Variants in STK17A observed in about 807,000 individuals in gnomAD.
STK17A encodes serine/threonine kinase 17a.
A neutral mutation model predicts 43.7 loss-of-function variants in STK17A; 26 were observed. That is an observed-to-expected ratio of 0.60 (90% CI 0.44 to 0.83). STK17A has a LOEUF of 0.83. Among genes scored for constraint, STK17A ranks in the 40% least tolerant of loss-of-function variants. STK17A has a pLI of 0.00. For synonymous variants in STK17A, 191 were observed against 182.5 expected (o/e 1.05, Z -0.38); for missense variants, 476 against 511.6 (o/e 0.93, Z 0.67).
intron 1 of STK17A, among the ~76,000 whole-genome samples, chr7:43,593,698 A>G (rs201993883): frequency 5.7e-4 from 62 of 109,488 alleles, no homozygotes; most frequent in African/African-American, 2.0e-3. Context: ...TGTTCATATA[A>G]AAAAAAAAAA....
chr7:43,624,863 T>G lies in STK17A; in HGVS notation c.*21T>G, dbSNP rs1195748464. ...ACTGAGCAATATTTCCCTTTAGAAC[T>G]TCAAGATTTCTACATTGAAAATGTT... On this transcript the variant is annotated 3_prime_UTR_variant, in exon 7 of 7. Coordinates refer to ENST00000319357, the MANE Select transcript of STK17A (RefSeq NM_004760.3). 3 of 1,556,172 alleles carry G rather than the reference T, an allele frequency of 1.9e-6. No homozygotes were observed. Among genetic ancestry groups the G allele is most frequent in the South Asian group, 2.5e-5 (2 of 81,588 alleles).
intron 1 of STK17A, among the ~76,000 whole-genome samples, chr7:43,594,952 C>A (rs1330627758): frequency 1.3e-5 from 2 of 151,420 alleles, no homozygotes; most frequent in Non-Finnish European, 2.9e-5. Context: ...CCTAAGGTTA[C>A]TGTCAAGTGC....
chr7:43,615,133 A>AT (rs2083226112), intron 3 of STK17A, among the ~76,000 whole-genome samples: 2 of 152,178 alleles, frequency 1.3e-5, no homozygotes, highest in Non-Finnish European at 2.9e-5. Context: ...ATTTGCCTGA[A>AT]TAATAAGACA....
In STK17A at chr7:43,586,960, A is replaced by G. The variant is rs1305162395; in HGVS notation, c.206+3511A>G. ...ATTCTCACCACAAGCCTGTTTGGAA[A>G]GCCCCATTTTTCAGATGAGAAAACA... is the stretch of plus-strand genomic sequence containing the variant. On this transcript the variant is annotated intron_variant, in intron 1 of 6. Coordinates refer to ENST00000319357, the MANE Select transcript of STK17A (RefSeq NM_004760.3). Among the ~76,000 whole-genome samples the G allele has an allele frequency of 2.6e-5, 4 of 151,188 alleles. 1 individual carries two copies. Among genetic ancestry groups the G allele is most frequent in the African/African-American group, 4.8e-5 (2 of 41,314 alleles).
chr7:43,592,257 T>C lies in STK17A; in HGVS notation c.207-3644T>C, dbSNP rs887628048. Among the ~76,000 whole-genome samples, 5 of 151,576 alleles carry C rather than the reference T, an allele frequency of 3.3e-5. No homozygotes were observed. The South Asian group carries it at 8.3e-4, about 25-fold the overall frequency. ...ATTTTGTGGGATAAAATGAAAGGTA[T>C]TAATTACTCTTTGAGGAATTCATTT... On this transcript the variant is annotated intron_variant, in intron 1 of 6. Coordinates refer to ENST00000319357, the MANE Select transcript of STK17A (RefSeq NM_004760.3).
At position 43,587,147 on chromosome 7, in the gene STK17A, GT is replaced by G. The variant is rs202031785; in HGVS notation, c.206+3704del. On this transcript the variant is annotated intron_variant, in intron 1 of 6. Coordinates refer to ENST00000319357, the MANE Select transcript of STK17A (RefSeq NM_004760.3). ...TTTAATGAAATGATATGTTTTTATT[GT>G]TTTTTGTTTTTTTTTTTTTTTTTTG... Among the ~76,000 whole-genome samples, 757 of 113,464 alleles carry G rather than the reference GT, an allele frequency of 6.7e-3. 53 individuals carry two copies. In the East Asian group the frequency reaches 0.16, roughly 23 times the overall value. The allele number at this position is 113,464 out of a possible 152,430, so 74.4% of individuals were successfully genotyped here.
chr7:43,583,207 T>C lies in STK17A; in HGVS notation c.-37T>C, dbSNP rs10251937. 594,605 of 1,546,758 alleles carry C rather than the reference T, an allele frequency of 0.38. 116,078 individuals are homozygous for C. Among genetic ancestry groups the C allele is most frequent in the Admixed American group, 0.5 (26,031 of 52,428 alleles). Reference sequence around the variant, plus strand: ...TCCGTGACCCTCCGGCTGCTCGGAGTGAACAGGCGGCCAGGAAAGAAGCGG... The same window carrying C: ...TCCGTGACCCTCCGGCTGCTCGGAGCGAACAGGCGGCCAGGAAAGAAGCGG... On this transcript the variant is annotated 5_prime_UTR_variant, in exon 1 of 7. Transcript: ENST00000319357.
Position 43,583,436 on chromosome 7 carries a change from C to G in STK17A, c.193C>G (p.Arg65Gly), listed in dbSNP as rs759357000. Residue 65 changes from arginine to glycine, a missense_variant, in exon 1 of 7, where the codon CGG (arginine) becomes GGG (glycine). Physicochemically the swap from Arg to Gly is moderately radical, Grantham distance 125 (BLOSUM62 -2). Coordinates refer to ENST00000319357, the MANE Select transcript of STK17A (RefSeq NM_004760.3). ...FQDGYSLCPGRELGRGKFAVV... is the reference protein window; with the variant it reads ...FQDGYSLCPGGELGRGKFAVV... ...GGACGGCTACAGCCTGTGCCCGGGC[C>G]GGGAGCTGGGCAGGTGAGGACGGGC... 2.2e-6 allele frequency: 3 copies of G among 1,364,948 alleles called. No homozygotes were observed. Among genetic ancestry groups the G allele is most frequent in the Non-Finnish European group, 2.8e-6 (3 of 1,060,288 alleles). The allele number at this position is 1,364,948 out of a possible 1,614,324, so 84.6% of individuals were successfully genotyped here. A position where few individuals can be genotyped will look rare whatever the true frequency, so the allele number is the denominator to read the frequency against.
chr7:43,597,042 A>G (rs996858124), intron 2 of STK17A, among the ~76,000 whole-genome samples: 3 of 152,142 alleles, frequency 2.0e-5, no homozygotes, highest in African/African-American at 7.2e-5. Context: ...GACTTAATAC[A>G]TCAATAAATC....
chr7:43,621,463 T>G (rs1243203019), intron 4 of STK17A, among the ~76,000 whole-genome samples: 1 of 152,074 alleles, frequency 6.6e-6, no homozygotes, highest in African/African-American at 2.4e-5. Context: ...GAGGTGGGTT[T>G]TTGTTTTGTT....
chr7:43,604,625 A>G lies in STK17A; in HGVS notation c.420-3631A>G, dbSNP rs371264960. On this transcript the variant is annotated intron_variant, in intron 2 of 6. Transcript: ENST00000319357. Reference sequence around the variant, plus strand: ...CTTTTTAAAGATTTTCCTCTTTCTCACTGGTTTTTAGCAATTTGAGTATAG... The same window carrying G: ...CTTTTTAAAGATTTTCCTCTTTCTCGCTGGTTTTTAGCAATTTGAGTATAG... Among the ~76,000 whole-genome samples, 19 of 151,986 alleles carry G rather than the reference A, an allele frequency of 1.3e-4. No homozygotes were observed. The East Asian group carries it at 3.1e-3, about 25-fold the overall frequency.
chr7:43,586,946 A>G (rs2082444199), intron 1 of STK17A, among the ~76,000 whole-genome samples: 1 of 151,244 alleles, frequency 6.6e-6, no homozygotes, highest in Non-Finnish European at 1.5e-5. Flanking sequence ...TTCTCACCAC[A>G]AGCCTGTTTG....
At chr7:43,622,070 C>G (rs1383968312) in intron 4 of STK17A, among the ~76,000 whole-genome samples, 1 of 152,174 alleles carries the variant, frequency 6.6e-6, no homozygotes, top group Non-Finnish European at 1.5e-5. Flanking sequence ...ATTGGATTTG[C>G]TGTACAAAGC....
intron 4 of STK17A, among the ~76,000 whole-genome samples, chr7:43,621,483 T>G (rs888633725): frequency 6.6e-6 from 1 of 152,200 alleles, no homozygotes; most frequent in Admixed American, 6.5e-5. Context: ...TTTAATGCTT[T>G]CTTTGTTGTT....
intron 1 of STK17A, among the ~76,000 whole-genome samples, chr7:43,593,862 T>A (rs2082497366): frequency 6.6e-6 from 1 of 152,152 alleles, no homozygotes. Flanking sequence ...CAATCATTTT[T>A]AAAATATAGT....
chr7:43,614,595 C>G (rs1394271945), intron 3 of STK17A, among the ~76,000 whole-genome samples: 1 of 152,120 alleles, frequency 6.6e-6, no homozygotes, highest in African/African-American at 2.4e-5. Flanking sequence ...TTAAAAATAG[C>G]CCTGTGGTCA....
In STK17A at chr7:43,625,429, C is replaced by G. The variant is rs972757424; in HGVS notation, c.*587C>G. ...TTTCTGTTGTGTTTTTGCCTAAATA[C>G]TAGTAACATATCAGTGAAAAACCCT... On this transcript the variant is annotated 3_prime_UTR_variant, in exon 7 of 7. Coordinates refer to ENST00000319357, the MANE Select transcript of STK17A (RefSeq NM_004760.3). 2.0e-5 allele frequency: 3 copies of G among 152,156 alleles called. 1 individual carries two copies. The highest frequency in any genetic ancestry group is 7.2e-5 in the African/African-American group (3 of 41,430). The allele number at this position is 152,156 out of a possible 1,614,324, so 9.4% of individuals were successfully genotyped here. A position where few individuals can be genotyped will look rare whatever the true frequency, so the allele number is the denominator to read the frequency against.
chr7:43,586,584 G>A (rs537347492), intron 1 of STK17A, among the ~76,000 whole-genome samples: 7 of 151,342 alleles, frequency 4.6e-5, no homozygotes, highest in African/African-American at 1.7e-4. Context: ...AAATGACCTT[G>A]GGTTCTGATA....
intron 2 of STK17A, among the ~76,000 whole-genome samples, chr7:43,608,025 T>C (rs950731991): frequency 1.3e-5 from 2 of 152,208 alleles, no homozygotes; most frequent in Admixed American, 6.5e-5. Context: ...CTTATACGTG[T>C]AATCCCAACA....
Sources: allele counts gnomAD v4.1 joint callset (sites outside exome capture counted in the v4.1 genomes callset), GRCh38; gene constraint gnomAD v4.1.1; transcripts MANE v1.5; gene names NCBI Gene and HGNC (gene_info 2026-07-23, HGNC 2026-07-21).